PPARGC1A: variants seen among roughly 807,000 people sequenced by gnomAD.
PPARGC1A encodes PPARG coactivator 1 alpha.
PPARGC1A carries 25 observed loss-of-function variants against 88.7 expected under a neutral mutation model. The ratio of observed to expected loss-of-function variants is 0.28; its 90% confidence interval spans 0.21 to 0.39. PPARGC1A has a LOEUF of 0.39. Ranked by LOEUF, PPARGC1A falls within the 10% of genes least tolerant of loss-of-function variation. The probability of loss-of-function intolerance (pLI) is 1.00; values close to 1 mark genes in which losing one functional copy is unlikely to be tolerated. For synonymous variants in PPARGC1A, 363 were observed against 355.6 expected, an observed-to-expected ratio of 1.02 and a Z score of -0.24; for missense variants, 880 against 968.7, an observed-to-expected ratio of 0.91 and a Z score of 1.22.
the PPARGC1A span, among the ~76,000 whole-genome samples, chr4:24,318,614 T>C: frequency 6.6e-6 from 1 of 152,244 alleles, no homozygotes; most frequent in Non-Finnish European, 1.5e-5. Context: ...ATAAACCATA[T>C]GCAGCATTTT....
At chr4:24,409,816 A>G in the PPARGC1A span, among the ~76,000 whole-genome samples, 2 of 152,162 alleles carry the variant, frequency 1.3e-5, no homozygotes, top group African/African-American at 4.8e-5. Context: ...ACTGCATGTG[A>G]TTGTTAATCC....
the PPARGC1A span, among the ~76,000 whole-genome samples, chr4:24,118,367 C>T: frequency 3.3e-5 from 5 of 152,122 alleles, no homozygotes; most frequent in African/African-American, 4.8e-5. Context: ...AAAACCCAAA[C>T]GTTAGAAGGT....
At chr4:23,799,671 TTTCTA>T in intron 12 of PPARGC1A, among the ~76,000 whole-genome samples, 1 of 152,194 alleles carries the variant, frequency 6.6e-6, no homozygotes, top group Admixed American at 6.5e-5. Context: ...AATGGCAAAG[TTTCTA>T]TTGCTGCCGG....
At chr4:24,122,432 T>TAG in the PPARGC1A span, among the ~76,000 whole-genome samples, 1,844 of 135,758 alleles carry the variant, frequency 0.014, 38 homozygotes, top group African/African-American at 0.047. Flanking sequence ...TATATATATA[T>TAG]ATATAGAGAG....
At chr4:24,155,187 T>C in the PPARGC1A span, among the ~76,000 whole-genome samples, 1 of 151,666 alleles carries the variant, frequency 6.6e-6, no homozygotes. Flanking sequence ...TGAATTAAAA[T>C]ATGATAATGT....
intron 3 of PPARGC1A, among the ~76,000 whole-genome samples, chr4:23,829,963 A>C (rs575204688): frequency 2.1e-4 from 32 of 152,330 alleles, no homozygotes; most frequent in African/African-American, 7.5e-4. Flanking sequence ...TGTTGTCTAC[A>C]TATTTTTTTT....
the PPARGC1A span, among the ~76,000 whole-genome samples, chr4:24,004,582 A>C: frequency 2.0e-5 from 3 of 152,212 alleles, no homozygotes; most frequent in Non-Finnish European, 2.9e-5. Flanking sequence ...GTGGCTGCTG[A>C]TGATAAATTT....
chr4:24,378,274 C>A, the PPARGC1A span, among the ~76,000 whole-genome samples: 1 of 152,028 alleles, frequency 6.6e-6, no homozygotes, highest in Admixed American at 6.6e-5. Context: ...GAGGCAGAGG[C>A]TACAGTGAGC....
the PPARGC1A span, among the ~76,000 whole-genome samples, chr4:24,112,017 A>C: frequency 6.6e-6 from 1 of 152,144 alleles, no homozygotes; most frequent in Non-Finnish European, 1.5e-5. Context: ...TAAACAAACA[A>C]TAGAATAAAG....
At chr4:24,353,479 T>C in the PPARGC1A span, among the ~76,000 whole-genome samples, 2 of 152,154 alleles carry the variant, frequency 1.3e-5, no homozygotes, top group Non-Finnish European at 2.9e-5. Context: ...CAAGGGATTC[T>C]ATTTTCTTGT....
the PPARGC1A span, among the ~76,000 whole-genome samples, chr4:23,962,681 A>C: frequency 5.3e-5 from 8 of 152,216 alleles, no homozygotes; most frequent in Non-Finnish European, 1.0e-4. Flanking sequence ...TGGTCTGTTG[A>C]GAGCACAGGG....
At chr4:24,166,753 G>A in the PPARGC1A span, among the ~76,000 whole-genome samples, 1 of 152,132 alleles carries the variant, frequency 6.6e-6, no homozygotes, top group Non-Finnish European at 1.5e-5. Context: ...TTTATAGCAT[G>A]GTTTACTGGA....
intron 2 of PPARGC1A, among the ~76,000 whole-genome samples, chr4:23,856,360 A>C (rs535389414): frequency 6.6e-6 from 1 of 152,278 alleles, no homozygotes; most frequent in Admixed American, 6.5e-5. Flanking sequence ...CTGTTGACTA[A>C]ATGTGGTTTG....
At chr4:24,225,171 A>C in the PPARGC1A span, among the ~76,000 whole-genome samples, 1 of 152,332 alleles carries the variant, frequency 6.6e-6, no homozygotes, top group South Asian at 2.1e-4. Flanking sequence ...TGCTGGATTG[A>C]GAACAGTCCA....
chr4:24,027,364 T>A, the PPARGC1A span, among the ~76,000 whole-genome samples: 1 of 152,144 alleles, frequency 6.6e-6, no homozygotes, highest in Admixed American at 6.6e-5. Flanking sequence ...GTCCCAATAT[T>A]TCCCTTGACT....
chr4:24,232,446 A>G, the PPARGC1A span, among the ~76,000 whole-genome samples: 5 of 152,202 alleles, frequency 3.3e-5, no homozygotes, highest in African/African-American at 1.2e-4. Context: ...GGCAGAGGAC[A>G]TCTCCGAATG....
chr4:24,325,885 C>G, the PPARGC1A span, among the ~76,000 whole-genome samples: 6 of 152,138 alleles, frequency 3.9e-5, no homozygotes, highest in Non-Finnish European at 8.8e-5. Context: ...CTTAAAACTC[C>G]CCAACTCTGG....
At chr4:24,224,527 T>G in the PPARGC1A span, among the ~76,000 whole-genome samples, 1 of 152,238 alleles carries the variant, frequency 6.6e-6, no homozygotes, top group Non-Finnish European at 1.5e-5. Context: ...CTCAGTCATT[T>G]TTTCAAACAC....
the PPARGC1A span, among the ~76,000 whole-genome samples, chr4:24,400,463 T>C: frequency 6.6e-6 from 1 of 152,200 alleles, no homozygotes; most frequent in Non-Finnish European, 1.5e-5. Context: ...CTCTCCTTGC[T>C]CCTCAGCTTG....
Sources: allele counts gnomAD v4.1 joint callset (sites outside exome capture counted in the v4.1 genomes callset), GRCh38; gene constraint gnomAD v4.1.1; transcripts MANE v1.5; gene names NCBI Gene and HGNC (gene_info 2026-07-23, HGNC 2026-07-21).